The following HADH variants were observed in gnomAD, a reference collection of about 807,000 sequenced individuals.
HADH encodes hydroxyacyl-CoA dehydrogenase.
In HADH, 24 loss-of-function variants were observed where a neutral mutation model predicts 32.2. The ratio of observed to expected loss-of-function variants is 0.75; its 90% CI spans 0.54 to 1.05. The LOEUF is 1.05. Ranked by LOEUF, HADH falls within the 50% of genes least tolerant of loss-of-function variation. HADH has a pLI of 0.00. For missense variants in HADH, 350 were observed against 397.1 expected (o/e 0.88, Z 1.01); for synonymous variants, 139 against 152.5 (o/e 0.91, Z 0.65).
intron 2 of HADH, among the ~76,000 whole-genome samples, chr4:108,013,330 T>C (rs902350664): frequency 6.6e-6 from 1 of 152,126 alleles, no homozygotes; most frequent in African/African-American, 2.4e-5. Context: ...GGGCTGAGGG[T>C]TGGAGTCTAG....
At chr4:108,014,383 T>C in intron 2 of HADH, 48 bp from the exon 3 acceptor site, 1 of 1,611,526 alleles carries the variant, frequency 6.2e-7, no homozygotes, top group Middle Eastern at 1.7e-4. Flanking sequence ...TGAAAGATAA[T>C]TTCCAGTGAG....
At chr4:108,007,377 G>A (rs1219826481) in intron 1 of HADH, among the ~76,000 whole-genome samples, 2 of 152,140 alleles carry the variant, frequency 1.3e-5, no homozygotes, top group Non-Finnish European at 2.9e-5. Flanking sequence ...AAAGTACTGG[G>A]ATTACAGGCA....
intron 1 of HADH, chr4:108,004,986 A>G: frequency 8.7e-7 from 1 of 1,144,224 alleles, no homozygotes; most frequent in Non-Finnish European, 1.3e-6. Flanking sequence ...CGAAGTGATA[A>G]TACTGTATTC....
chr4:108,033,826 T>G (rs1245081093), intron 7 of HADH, among the ~76,000 whole-genome samples: 1 of 152,258 alleles, frequency 6.6e-6, no homozygotes, highest in African/African-American at 2.4e-5. Context: ...AAGAATTAAA[T>G]TTTGAATCTT....
At chr4:108,033,775 A>G (rs1736358474) in intron 7 of HADH, among the ~76,000 whole-genome samples, 1 of 152,264 alleles carries the variant, frequency 6.6e-6, no homozygotes, top group African/African-American at 2.4e-5. Flanking sequence ...ACTGAAGTTG[A>G]ATGTAGCTAT....
chr4:108,001,858 G>A (rs1735127998), intron 1 of HADH, among the ~76,000 whole-genome samples: 1 of 152,188 alleles, frequency 6.6e-6, no homozygotes, highest in Non-Finnish European at 1.5e-5. Context: ...ATAGTTGACT[G>A]TTGGTAACTG....
chr4:108,032,396 T>C (rs776486685), intron 6 of HADH: 8 of 1,548,676 alleles, frequency 5.2e-6, no homozygotes, highest in South Asian at 4.5e-5. Context: ...ACTAAAAGGT[T>C]TGTGTGAAAT....
intron 5 of HADH, chr4:108,024,728 A>G (rs1332243947): frequency 2.2e-4 from 34 of 152,242 alleles, no homozygotes; most frequent in Admixed American, 2.2e-3. Flanking sequence ...GAAAGTAGTA[A>G]TGGTATTGAA....
At chr4:108,012,070 AT>A (rs1491308731) in intron 2 of HADH, among the ~76,000 whole-genome samples, 1 of 150,914 alleles carries the variant, frequency 6.6e-6, no homozygotes, top group Admixed American at 6.6e-5. Flanking sequence ...TAAAAAAAAA[AT>A]TTTTTTTTAG....
At chr4:108,026,143 G>A (rs1439873292) in intron 5 of HADH, 1 of 152,156 alleles carries the variant, frequency 6.6e-6, no homozygotes, top group Non-Finnish European at 1.5e-5. Flanking sequence ...CCGGGTTCAA[G>A]CGATTCTCCT....
At chr4:108,003,258 T>A (rs1192508844) in intron 1 of HADH, among the ~76,000 whole-genome samples, 1 of 152,132 alleles carries the variant, frequency 6.6e-6, no homozygotes, top group East Asian at 1.9e-4. Flanking sequence ...ACTCGTTGTG[T>A]CTTGCTGGGG....
intron 1 of HADH, among the ~76,000 whole-genome samples, chr4:108,003,426 G>T (rs1417256698): frequency 2.6e-5 from 4 of 152,112 alleles, no homozygotes; most frequent in African/African-American, 7.2e-5. Context: ...TATCATATTG[G>T]CAGTGCCTGA....
chr4:108,011,326 C>T (rs1295219390), intron 2 of HADH, among the ~76,000 whole-genome samples: 2 of 152,100 alleles, frequency 1.3e-5, no homozygotes, highest in Non-Finnish European at 2.9e-5. Context: ...TTAATTGACT[C>T]ATAGCTCCAC....
chr4:107,990,086 G>A (rs1734730217), intron 1 of HADH, 22 bp downstream of exon 1: 2 of 1,594,666 alleles, frequency 1.3e-6, no homozygotes, highest in South Asian at 1.1e-5. Flanking sequence ...TCCCTGCAGC[G>A]TGCCCACGCG....
chr4:108,015,946 C>G (rs1017555162), intron 3 of HADH, among the ~76,000 whole-genome samples: 1 of 152,118 alleles, frequency 6.6e-6, no homozygotes, highest in Non-Finnish European at 1.5e-5. Flanking sequence ...CAGAGCAGTT[C>G]TGTGTTTCCT....
intron 2 of HADH, among the ~76,000 whole-genome samples, chr4:108,013,597 A>G (rs1321691929): frequency 1.3e-5 from 2 of 152,146 alleles, no homozygotes; most frequent in African/African-American, 4.8e-5. Flanking sequence ...ATCTAGCTCT[A>G]TACTGACCAC....
At position 108,027,757 on chromosome 4, in the gene HADH, C is replaced by T. The variant is rs375717077; in HGVS notation, c.706C>T (p.Arg236Ter). 11 of 1,589,622 alleles carry T rather than the reference C, an allele frequency of 6.9e-6. No individual in the cohort carries two copies. Among genetic ancestry groups the T allele is most frequent in the Middle Eastern group, 1.7e-4 (1 of 6,050 alleles). ...CATGGAAGCAATCAGGCTGTATGAA[C>T]GAGGTATCCTTCTGACCCAGGCCAG... ...YLMEAIRLYE[R>*]GDASKEDIDT... The change falls in exon 6 of 8, where the codon CGA becomes TGA. Residue 236 changes from arginine to a stop codon, truncating the protein, a stop_gained. Transcript: ENST00000309522. LOFTEE classifies it high-confidence loss of function.
rs75533224 is a variant in HADH, at chr4:108,009,968, T to G, written c.261+81T>G. ...CAGGGCAATGGGGGATTTCTGGCTT[T>G]CTTTCTTTCTTTTTTTTTTTTTTTT... On this transcript the variant is annotated intron_variant, in intron 2 of 7. Transcript: ENST00000309522. 974 of 898,234 alleles carry G rather than the reference T, an allele frequency of 1.1e-3. 5 individuals are homozygous for G. In the African/African-American group the frequency reaches 0.014, roughly 12 times the overall value. The allele number at this position is 898,234 out of a possible 1,614,324, so 55.6% of individuals were successfully genotyped here.
At chr4:107,999,650 T>C (rs1230392997) in intron 1 of HADH, among the ~76,000 whole-genome samples, 2 of 152,332 alleles carry the variant, frequency 1.3e-5, no homozygotes, top group East Asian at 3.9e-4. Context: ...AAAAAATAGC[T>C]CTGTCATTCA....
Sources: gnomAD v4.1 joint callset for allele counts (sites outside exome capture counted in the v4.1 genomes callset) on GRCh38, gnomAD v4.1.1 for gene constraint, MANE v1.5 for transcripts, NCBI Gene and HGNC (gene_info 2026-07-23, HGNC 2026-07-21) for gene names.